The following CHD6 variants were observed in gnomAD, a reference collection of about 807,000 sequenced individuals.
CHD6 encodes ATP-dependent chromatin remodeler CHD6.
A neutral mutation model predicts 276.9 loss-of-function variants in CHD6; 50 were observed. That is an observed-to-expected ratio of 0.18 (90% CI 0.14 to 0.23). The LOEUF (loss-of-function observed/expected upper bound fraction) is 0.23, where lower values mean the gene tolerates loss of function less well. CHD6 is among the 10% of genes least tolerant of loss of function. CHD6 has a pLI of 1.00. For synonymous variants in CHD6, 1,173 were observed against 1,229.3 expected, an observed-to-expected ratio of 0.95 and a Z score of 0.96; for missense variants, 2,564 against 3,365.8, an observed-to-expected ratio of 0.76 and a Z score of 5.89.
chr20:41,425,063 A>G (rs1270293439), intron 29 of CHD6, 115 bp downstream of exon 29: 3 of 766,268 alleles, frequency 3.9e-6, no homozygotes, highest in Non-Finnish European at 6.6e-6. Flanking sequence ...TTCTGGAGAC[A>G]ACCTAACTTC....
chr20:41,558,293 G>T (rs552107908), intron 1 of CHD6, among the ~76,000 whole-genome samples: 1 of 152,302 alleles, frequency 6.6e-6, no homozygotes, highest in Admixed American at 6.5e-5. Context: ...ATGACGACGA[G>T]ACATGTGAAT....
chr20:41,531,784 C>A (rs1300147836), intron 3 of CHD6, among the ~76,000 whole-genome samples: 2 of 152,186 alleles, frequency 1.3e-5, no homozygotes, highest in East Asian at 1.9e-4. Context: ...TGAAAAAGAA[C>A]TGAACCATAT....
At chr20:41,610,075 T>C (rs930050847) in intron 1 of CHD6, among the ~76,000 whole-genome samples, 5 of 152,088 alleles carry the variant, frequency 3.3e-5, no homozygotes, top group Non-Finnish European at 7.4e-5. Context: ...CAGGCTGGTC[T>C]CGAACTCCTG....
At chr20:41,601,603 A>G (rs1196528611) in intron 1 of CHD6, among the ~76,000 whole-genome samples, 1 of 152,228 alleles carries the variant, frequency 6.6e-6, no homozygotes, top group Non-Finnish European at 1.5e-5. Flanking sequence ...TGGTCCCAGA[A>G]GCAGTGGGTT....
chr20:41,420,156 A>C (rs1372092343), intron 31 of CHD6, among the ~76,000 whole-genome samples: 2 of 152,192 alleles, frequency 1.3e-5, no homozygotes, highest in African/African-American at 4.8e-5. Flanking sequence ...TAACATCCCA[A>C]GGCTGTTCTA....
chr20:41,527,673 A>T (rs1484118125), intron 3 of CHD6, among the ~76,000 whole-genome samples: 1 of 152,254 alleles, frequency 6.6e-6, no homozygotes, highest in Non-Finnish European at 1.5e-5. Flanking sequence ...ATTCACAGGC[A>T]TTTAGAAGCA....
Position 41,417,341 on chromosome 20 carries a change from C to G in CHD6, c.6136G>C (p.Gly2046Arg). 7 of 1,612,176 alleles carry G rather than the reference C, an allele frequency of 4.3e-6. No homozygotes were observed. Among genetic ancestry groups the G allele is most frequent in the Non-Finnish European group, 5.9e-6 (7 of 1,179,576 alleles). Residue 2046 changes from glycine to arginine, a missense_variant, in exon 32 of 37, where the codon GGG (glycine) becomes CGG (arginine). This residue lies in a region of CHD6 where 1,024 missense variants were observed against 1,047.9 expected (regional missense o/e 0.98). Transcript: ENST00000373233. Reference protein sequence around the residue: ...DGNCHSQDYPGKYSEEESKSS... With the variant: ...DGNCHSQDYPRKYSEEESKSS... ...TTGCTCTCCTCTTCAGAGTACTTCC[C>G]TGGATAATCTGGGAAGAGGTTAAAA... is the stretch of plus-strand genomic sequence containing the variant.
chr20:41,596,138 C>T (rs61391619), intron 1 of CHD6, among the ~76,000 whole-genome samples: 5 of 152,290 alleles, frequency 3.3e-5, no homozygotes, highest in African/African-American at 7.2e-5. Context: ...ATGGAGTAGT[C>T]GCCCAAACAT....
intron 1 of CHD6, among the ~76,000 whole-genome samples, chr20:41,569,289 T>G (rs75600477): frequency 0.014 from 2,160 of 152,314 alleles, 20 homozygotes; most frequent in Non-Finnish European, 0.022. Context: ...TTAGGCCAAC[T>G]TAAGCCCATC....
intron 17 of CHD6, among the ~76,000 whole-genome samples, chr20:41,472,457 C>T (rs1318573805): frequency 6.6e-6 from 1 of 152,140 alleles, no homozygotes; most frequent in Admixed American, 6.5e-5. Context: ...TTGAGCCACC[C>T]ACCCACCTTC....
At chr20:41,524,810 A>G (rs2044488512) in intron 3 of CHD6, among the ~76,000 whole-genome samples, 1 of 152,152 alleles carries the variant, frequency 6.6e-6, no homozygotes, top group Admixed American at 6.5e-5. Flanking sequence ...ATTTTCATTA[A>G]TTCTTTGCTT....
intron 2 of CHD6, among the ~76,000 whole-genome samples, chr20:41,540,983 A>T (rs1193227528): frequency 6.6e-6 from 1 of 151,516 alleles, no homozygotes; most frequent in Non-Finnish European, 1.5e-5. Flanking sequence ...CTTTCTTCTG[A>T]AAGATTTTTT....
chr20:41,411,994 C>T (rs938996671), intron 36 of CHD6, 150 bp downstream of exon 36: 1 of 1,125,134 alleles, frequency 8.9e-7, no homozygotes, highest in African/African-American at 1.6e-5. Context: ...TTTCTTGCTG[C>T]TAATCAACTT....
intron 1 of CHD6, among the ~76,000 whole-genome samples, chr20:41,578,271 T>G (rs6072433): frequency 1.3e-5 from 2 of 151,848 alleles, no homozygotes; most frequent in African/African-American, 4.8e-5. Flanking sequence ...CAAAAACAAA[T>G]AGAGGAGCAC....
rs2047270103 is a variant in CHD6 at position 41,423,718 on chromosome 20, A to G, written c.4347-18T>C. ...TAGTCCACCTTGAGATTTAATCAGA[A>G]AGGAAGAGTGAGCTCTTTCTTCTTT... On this transcript the variant is annotated intron_variant, in intron 29 of 36. Transcript: ENST00000373233. 6.3e-7 allele frequency: 1 copy of G among 1,599,426 alleles called. No individual in the cohort carries two copies. Among genetic ancestry groups the G allele is most frequent in the Non-Finnish European group, 8.6e-7 (1 of 1,167,754 alleles).
In CHD6 at chr20:41,455,803, G is replaced by C; in HGVS notation, c.3006C>G (p.Ala1002=). Residue 1002 remains alanine (A), a synonymous_variant, in exon 19 of 37, where the codon GCC becomes GCG. Coordinates refer to ENST00000373233, the MANE Select transcript of CHD6 (RefSeq NM_032221.5). ...CTCTGGAGAGAAGGCCCTGTACCTT[G>C]GCAAAAGTGGACCCTTTCCCCTCAG... ...IQSEGKGSTF[A]KASFVASGNR... 1 of 1,580,982 alleles carries C rather than the reference G, an allele frequency of 6.3e-7. No individual in the cohort carries two copies. Among genetic ancestry groups the C allele is most frequent in the Non-Finnish European group, 8.6e-7 (1 of 1,165,444 alleles).
chr20:41,583,653 C>G (rs976188852), intron 1 of CHD6, among the ~76,000 whole-genome samples: 1 of 151,970 alleles, frequency 6.6e-6, no homozygotes, highest in Non-Finnish European at 1.5e-5. Context: ...TTTAATCATT[C>G]TGAAAGATAA....
chr20:41,561,543 A>T (rs959284144), intron 1 of CHD6, among the ~76,000 whole-genome samples: 1 of 151,490 alleles, frequency 6.6e-6, no homozygotes, highest in South Asian at 2.1e-4. Flanking sequence ...CCTCCCAGAG[A>T]CTCACTCCCT....
At chr20:41,549,852 C>T (rs1409239180) in intron 2 of CHD6, among the ~76,000 whole-genome samples, 1 of 152,094 alleles carries the variant, frequency 6.6e-6, no homozygotes, top group East Asian at 1.9e-4. Flanking sequence ...AGGCTGGAGT[C>T]CAATGGTGCA....
Sources: allele counts gnomAD v4.1 joint callset (sites outside exome capture counted in the v4.1 genomes callset), GRCh38; gene constraint gnomAD v4.1.1; regional missense constraint gnomAD v4.1.1; transcripts MANE v1.5; gene names NCBI Gene and HGNC (gene_info 2026-07-23, HGNC 2026-07-21).